Variants in OR10J5 observed in about 807,000 individuals in gnomAD.
The protein encoded by OR10J5 is olfactory receptor family 10 subfamily J member 5.
For synonymous variants in OR10J5, 171 were observed against 137.1 expected (o/e 1.25, Z -1.73); for missense variants, 389 against 372.1 (o/e 1.05, Z -0.37).
chr1:159,535,609 A>C lies in OR10J5; in HGVS notation c.399T>G (p.Thr133=), dbSNP rs1431395891. The C allele has an allele frequency of 6.2e-7, 1 of 1,614,148 alleles. No homozygotes were observed. The highest frequency in any genetic ancestry group is 1.1e-5 in the South Asian group (1 of 91,066). ...YVAICRPLRY[T]VIMSKGLCAQ... ...CACATAGTCCCTTGCTCATGATGACAGTGTATCTCAGGGGTCTGCAGATGG... is the reference window on the plus strand; with the variant it reads ...CACATAGTCCCTTGCTCATGATGACCGTGTATCTCAGGGGTCTGCAGATGG... Residue 133 remains threonine, a synonymous_variant, in exon 1 of 1, where the codon ACT becomes ACG. Transcript: ENST00000334857.
At position 159,535,536 on chromosome 1, in the gene OR10J5, G is replaced by A. The variant is rs938386473; in HGVS notation, c.472C>T (p.Leu158Phe). The change falls in exon 1 of 1, where the codon CTC (leucine) becomes TTC (phenylalanine). Residue 158 changes from leucine to phenylalanine, a missense_variant. Physicochemically the swap from Leu to Phe is conservative, Grantham distance 22. Transcript: ENST00000334857. ...SFGIGLTMAV[L>F]HVTAMFNLPF... ...AAATTGAACATGGCTGTCACATGGA[G>A]AACTGCCATAGTCAGACCAATGCCA... 8.7e-6 allele frequency: 14 copies of A among 1,614,028 alleles called. No individual in the cohort carries two copies. Among genetic ancestry groups the A allele is most frequent in the Non-Finnish European group, 1.2e-5 (14 of 1,179,928 alleles).
Position 159,535,191 on chromosome 1 carries a change from G to C in OR10J5, c.817C>G (p.Leu273Val). 3 of 1,613,984 alleles carry C rather than the reference G, an allele frequency of 1.9e-6. No homozygotes were observed. The highest frequency in any genetic ancestry group is 2.5e-6 in the Non-Finnish European group (3 of 1,179,916). ...GTGATGATGGTGTACGTCACTGAGA[G>C]AACAAGGTCTTTTTCTATTGAACTT... Reference protein sequence around the residue: ...SESSIEKDLVLSVTYTIITPL... With the variant: ...SESSIEKDLVVSVTYTIITPL... Residue 273 changes from leucine (L) to valine (V), a missense_variant, in exon 1 of 1, where the codon CTC becomes GTC. Coordinates refer to ENST00000334857, the MANE Select transcript of OR10J5 (RefSeq NM_001004469.1).
Position 159,535,955 on chromosome 1 carries a change from G to GA in OR10J5, c.52dup (p.Ser18PhefsTer2), listed in dbSNP as rs1324413286. On this transcript the variant is annotated frameshift_variant, in exon 1 of 1. Transcript: ENST00000334857. LOFTEE classifies it low-confidence loss of function (END_TRUNC). ...GGTTATCTGATGCTTTCCAAAGCTAGAAAATCCCAAGAAAATGAATTCTGA... is the reference window on the plus strand; with the variant it reads ...GGTTATCTGATGCTTTCCAAAGCTAGAAAAATCCCAAGAAAATGAATTCTGA... 6.2e-7 allele frequency: 1 copy of GA among 1,613,054 alleles called. No individual in the cohort carries two copies. The highest frequency in any genetic ancestry group is 8.5e-7 in the Non-Finnish European group (1 of 1,179,732).
rs112467032 is a variant in OR10J5, at chr1:159,535,926, A to G, written c.82T>C (p.Phe28Leu). The G allele has an allele frequency of 1.9e-6, 3 of 1,614,050 alleles. No individual in the cohort carries two copies. The change falls in exon 1 of 1, where the codon TTT becomes CTT. Residue 28 changes from phenylalanine (F) to leucine (L), a missense_variant. Transcript: ENST00000334857. ...ATGTAGACAGTTAGGAAAACCACAA[A>G]GAGGGTTATCTGATGCTTTCCAAAG... is the stretch of plus-strand genomic sequence containing the variant. Reference protein sequence around the residue: ...SSFGKHQITLFVVFLTVYILT... With the variant: ...SSFGKHQITLLVVFLTVYILT...
rs1335579198 is a variant in OR10J5 at position 159,535,094 on chromosome 1, C to A, written c.914G>T (p.Gly305Val). The change falls in exon 1 of 1, where the codon GGC becomes GTC. Residue 305 changes from glycine (G) to valine (V), a missense_variant. By Grantham distance (109) the Gly-to-Val change is moderately radical. Transcript: ENST00000334857. ...TCCAATCCATTAAGAAATATTTCTG[C>A]CCACAACTCTGCATAGGGCATCCTT... ...EVKDALCRVV[G>V]RNIS 5 of 1,609,466 alleles carry A rather than the reference C, an allele frequency of 3.1e-6. No homozygotes were observed. The highest frequency in any genetic ancestry group is 1.3e-5 in the African/African-American group (1 of 74,784).
At position 159,535,166 on chromosome 1, in the gene OR10J5, G is replaced by A. The variant is rs1483639968; in HGVS notation, c.842C>T (p.Thr281Ile). The A allele has an allele frequency of 1.9e-6, 3 of 1,614,052 alleles. No individual in the cohort carries two copies. The highest frequency in any genetic ancestry group is 8.5e-7 in the Non-Finnish European group (1 of 1,179,950). ...LVLSVTYTII[T>I]PLLNPVVYSL... The stretch of plus-strand genomic sequence containing the variant: ...GTAAACAACAGGGTTCAGCAAGGGA[G>A]TGATGATGGTGTACGTCACTGAGAG... The change falls in exon 1 of 1, where the codon ACT becomes ATT. Residue 281 changes from threonine to isoleucine, a missense_variant. Thr to Ile is a moderately conservative substitution (Grantham distance 89). Transcript: ENST00000334857.
rs536710646 is a variant in OR10J5 at position 159,535,226 on chromosome 1, G to A, written c.782C>T (p.Pro261Leu). The A allele has an allele frequency of 2.4e-5, 39 of 1,613,942 alleles. No individual in the cohort carries two copies. In the African/African-American group the frequency reaches 2.8e-4, roughly 12 times the overall value. Residue 261 changes from proline (P) to leucine (L), a missense_variant, in exon 1 of 1, where the codon CCG becomes CTG. Coordinates refer to ENST00000334857, the MANE Select transcript of OR10J5 (RefSeq NM_001004469.1). Reference sequence around the variant, plus strand: ...TTTTTCTATTGAACTTTCTGACTTCGGCTTGAGGTAGGCAATGGAGGCACA... The same window carrying A: ...TTTTTCTATTGAACTTTCTGACTTCAGCTTGAGGTAGGCAATGGAGGCACA... Reference protein sequence around the residue: ...CGCASIAYLKPKSESSIEKDL... With the variant: ...CGCASIAYLKLKSESSIEKDL...
In OR10J5 at chr1:159,535,823, A is replaced by G. The variant is rs1231922360; in HGVS notation, c.185T>C (p.Phe62Ser). Residue 62 changes from phenylalanine (F) to serine (S), a missense_variant, in exon 1 of 1, where the codon TTC (phenylalanine) becomes TCC (serine). Transcript: ENST00000334857. The stretch of plus-strand genomic sequence containing the variant: ...CTCTGAACTAGCCAGCATGCTTAGG[A>G]AGAAATACATGGGAGTGTGGAGATG... ...DHHLHTPMYF[F>S]LSMLASSETV... The G allele has an allele frequency of 6.2e-7, 1 of 1,614,004 alleles. No individual in the cohort carries two copies. The highest frequency in any genetic ancestry group is 8.5e-7 in the Non-Finnish European group (1 of 1,180,002).
Position 159,535,310 on chromosome 1 carries a change from C to T in OR10J5, c.698G>A (p.Arg233Gln), listed in dbSNP as rs141462119. 514 of 1,614,040 alleles carry T rather than the reference C, an allele frequency of 3.2e-4. 7 individuals are homozygous for T. In the South Asian group the frequency reaches 5.0e-3, roughly 16 times the overall value. Reference protein sequence around the residue: ...SILQIASAEGRKKTFATCVSH... With the variant: ...SILQIASAEGQKKTFATCVSH... ...GACACAGGTGGCAAAGGTCTTCTTC[C>T]GGCCCTCAGCTGAGGCAATTTGAAG... The change falls in exon 1 of 1, where the codon CGG (arginine) becomes CAG (glutamine). Residue 233 changes from arginine to glutamine, a missense_variant. Physicochemically the swap from Arg to Gln is conservative, Grantham distance 43. Transcript: ENST00000334857.
Position 159,535,400 on chromosome 1 carries a change from G to T in OR10J5, c.608C>A (p.Ser203Ter). 2 of 1,614,010 alleles carry T rather than the reference G, an allele frequency of 1.2e-6. No individual in the cohort carries two copies. The highest frequency in any genetic ancestry group is 1.7e-6 in the Non-Finnish European group (2 of 1,179,932). Reference protein sequence around the residue: ...INEIINYGVSSFVIFVPIGLI... With the variant: ...INEIINYGVS ...GCCTATGGGCACAAAAATCACAAAT[G>T]AACTTACACCATAATTTATTATCTC... The change falls in exon 1 of 1, where the codon TCA becomes TAA. Residue 203 changes from serine (S) to a stop codon, truncating the protein, a stop_gained. Coordinates refer to ENST00000334857, the MANE Select transcript of OR10J5 (RefSeq NM_001004469.1). LOFTEE classifies it low-confidence loss of function (END_TRUNC).
Position 159,535,866 on chromosome 1 carries a change from T to C in OR10J5, c.142A>G (p.Ile48Val), listed in dbSNP as rs558861992. ...TGGAGATGATGGTCAATGCAGATGATAGTCACAATGATGATGTTAGCAACC... is the reference window on the plus strand; with the variant it reads ...TGGAGATGATGGTCAATGCAGATGACAGTCACAATGATGATGTTAGCAACC... ...TLVANIIIVT[I>V]ICIDHHLHTP... Residue 48 changes from isoleucine to valine, a missense_variant, in exon 1 of 1, where the codon ATC becomes GTC. Coordinates refer to ENST00000334857, the MANE Select transcript of OR10J5 (RefSeq NM_001004469.1). The C allele has an allele frequency of 3.1e-6, 5 of 1,614,090 alleles. No individual in the cohort carries two copies. The highest frequency in any genetic ancestry group is 2.7e-5 in the African/African-American group (2 of 75,028).
In OR10J5 at chr1:159,535,082, GA is replaced by G; in HGVS notation, c.925del (p.Ser309LeufsTer?). ...TTAATGAAATAATCCAATCCATTAA[GA>G]AATATTTCTGCCCACAACTCTGCAT... is the stretch of plus-strand genomic sequence containing the variant. ...ALCRVVGRNI[S>X] On this transcript the variant is annotated frameshift_variant, in exon 1 of 1. Coordinates refer to ENST00000334857, the MANE Select transcript of OR10J5 (RefSeq NM_001004469.1). LOFTEE classifies it high-confidence loss of function. 6.2e-7 allele frequency: 1 copy of G among 1,601,290 alleles called. No individual in the cohort carries two copies. The highest frequency in any genetic ancestry group is 8.5e-7 in the Non-Finnish European group (1 of 1,171,100).
Position 159,535,156 on chromosome 1 carries a change from C to G in OR10J5, c.852G>C (p.Leu284=). 6.2e-7 allele frequency: 1 copy of G among 1,614,048 alleles called. No homozygotes were observed. Among genetic ancestry groups the G allele is most frequent in the South Asian group, 1.1e-5 (1 of 91,078 alleles). The change falls in exon 1 of 1, where the codon CTG becomes CTC. Residue 284 remains leucine, a synonymous_variant. Coordinates refer to ENST00000334857, the MANE Select transcript of OR10J5 (RefSeq NM_001004469.1). The part of the protein sequence containing the change: ...SVTYTIITPL[L]NPVVYSLRNK... Reference sequence around the variant, plus strand: ...TTCTCAGACTGTAAACAACAGGGTTCAGCAAGGGAGTGATGATGGTGTACG... The same window carrying G: ...TTCTCAGACTGTAAACAACAGGGTTGAGCAAGGGAGTGATGATGGTGTACG...
chr1:159,535,929 G>A lies in OR10J5; in HGVS notation c.79C>T (p.Leu27Phe), dbSNP rs948774799. Residue 27 changes from leucine to phenylalanine, a missense_variant, in exon 1 of 1, where the codon CTC (leucine) becomes TTC (phenylalanine). By Grantham distance (22) the Leu-to-Phe change is conservative (BLOSUM62 0). Coordinates refer to ENST00000334857, the MANE Select transcript of OR10J5 (RefSeq NM_001004469.1). The stretch of plus-strand genomic sequence containing the variant: ...TAGACAGTTAGGAAAACCACAAAGA[G>A]GGTTATCTGATGCTTTCCAAAGCTA... ...FSSFGKHQIT[L>F]FVVFLTVYIL... 1 of 1,613,764 alleles carries A rather than the reference G, an allele frequency of 6.2e-7. No individual in the cohort carries two copies. Among genetic ancestry groups the A allele is most frequent in the Non-Finnish European group, 8.5e-7 (1 of 1,179,810 alleles).
chr1:159,535,916 A>T lies in OR10J5; in HGVS notation c.92T>A (p.Phe31Tyr). 1 of 1,614,022 alleles carries T rather than the reference A, an allele frequency of 6.2e-7. No individual in the cohort carries two copies. The highest frequency in any genetic ancestry group is 1.1e-5 in the South Asian group (1 of 91,076). The change falls in exon 1 of 1, where the codon TTC (phenylalanine) becomes TAC (tyrosine). Residue 31 changes from phenylalanine to tyrosine, a missense_variant. Physicochemically the swap from Phe to Tyr is conservative, Grantham distance 22 (BLOSUM62 3). Transcript: ENST00000334857. Reference protein sequence around the residue: ...GKHQITLFVVFLTVYILTLVA... With the variant: ...GKHQITLFVVYLTVYILTLVA... ...CAGAGTTAAAATGTAGACAGTTAGGAAAACCACAAAGAGGGTTATCTGATG... is the reference window on the plus strand; with the variant it reads ...CAGAGTTAAAATGTAGACAGTTAGGTAAACCACAAAGAGGGTTATCTGATG...
At position 159,535,134 on chromosome 1, in the gene OR10J5, TCA is replaced by T. The variant is rs779516191; in HGVS notation, c.872_873del (p.Leu291GlnfsTer?). 4 of 1,614,064 alleles carry T rather than the reference TCA, an allele frequency of 2.5e-6. No homozygotes were observed. Among genetic ancestry groups the T allele is most frequent in the Non-Finnish European group, 3.4e-6 (4 of 1,179,950 alleles). ...TPLLNPVVYS[L>X]RNKEVKDALC... ...AGGGCATCCTTTACCTCCTTGTTTC[TCA>T]GACTGTAAACAACAGGGTTCAGCAA... On this transcript the variant is annotated frameshift_variant, in exon 1 of 1. Coordinates refer to ENST00000334857, the MANE Select transcript of OR10J5 (RefSeq NM_001004469.1). LOFTEE classifies it high-confidence loss of function.
rs1294138965 is a variant in OR10J5, at chr1:159,535,307, T to C, written c.701A>G (p.Lys234Arg). The C allele has an allele frequency of 1.2e-6, 2 of 1,613,956 alleles. No homozygotes were observed. Among genetic ancestry groups the C allele is most frequent in the Non-Finnish European group, 1.7e-6 (2 of 1,180,024 alleles). Residue 234 changes from lysine to arginine, a missense_variant, in exon 1 of 1, where the codon AAG becomes AGG. Physicochemically the swap from Lys to Arg is conservative, Grantham distance 26 (BLOSUM62 2). Coordinates refer to ENST00000334857, the MANE Select transcript of OR10J5 (RefSeq NM_001004469.1). ...ILQIASAEGR[K>R]KTFATCVSHL... The stretch of plus-strand genomic sequence containing the variant: ...GGAGACACAGGTGGCAAAGGTCTTC[T>C]TCCGGCCCTCAGCTGAGGCAATTTG...
chr1:159,535,623 G>C lies in OR10J5; in HGVS notation c.385C>G (p.Pro129Ala). Residue 129 changes from proline to alanine, a missense_variant, in exon 1 of 1, where the codon CCC (proline) becomes GCC (alanine). Transcript: ENST00000334857. ...GYDRYVAICR[P>A]LRYTVIMSKG... ...CTCATGATGACAGTGTATCTCAGGG[G>C]TCTGCAGATGGCCACATAGCGGTCA... 1 of 1,614,158 alleles carries C rather than the reference G, an allele frequency of 6.2e-7. No homozygotes were observed. The highest frequency in any genetic ancestry group is 8.5e-7 in the Non-Finnish European group (1 of 1,180,032).
rs1361985988 is a variant in OR10J5 at position 159,535,755 on chromosome 1, G to A, written c.253C>T (p.Leu85Phe). Reference sequence around the variant, plus strand: ...GAGATAGGTTGGTTATGAAAAATGAGGCTCAAAAGCATTCGTGGCACAATG... The same window carrying A: ...GAGATAGGTTGGTTATGAAAAATGAAGCTCAAAAGCATTCGTGGCACAATG... ...LVIVPRMLLSLIFHNQPISLA... is the reference protein window; with the variant it reads ...LVIVPRMLLSFIFHNQPISLA... The change falls in exon 1 of 1, where the codon CTC becomes TTC. Residue 85 changes from leucine to phenylalanine, a missense_variant. Leu to Phe is a conservative substitution (Grantham distance 22). Coordinates refer to ENST00000334857, the MANE Select transcript of OR10J5 (RefSeq NM_001004469.1). 3 of 1,614,148 alleles carry A rather than the reference G, an allele frequency of 1.9e-6. No individual in the cohort carries two copies. The highest frequency in any genetic ancestry group is 1.7e-6 in the Non-Finnish European group (2 of 1,180,028).
Sources: allele counts gnomAD v4.1 joint callset, GRCh38; gene constraint gnomAD v4.1.1; transcripts MANE v1.5; gene names NCBI Gene and HGNC (gene_info 2026-07-23, HGNC 2026-07-21).